Variants in DYTN observed in about 807,000 individuals in gnomAD.
DYTN encodes dystrotelin.
Under a neutral mutation model 69.6 loss-of-function variants are expected in DYTN, and 75 were observed. That is an observed-to-expected ratio of 1.08 (90% CI 0.89 to 1.31). The LOEUF is 1.31. DYTN is among the 50% of genes most tolerant of loss of function. The pLI, the probability that DYTN is intolerant of heterozygous loss-of-function variation, is 0.00. For synonymous variants in DYTN, 252 were observed against 249.1 expected (o/e 1.01, Z -0.11); for missense variants, 726 against 688.4 (o/e 1.05, Z -0.61).
intron 10 of DYTN, 147 bp downstream of exon 10, chr2:206,665,723 G>C: frequency 1.1e-6 from 1 of 870,156 alleles, no homozygotes; most frequent in Admixed American, 3.0e-5. Context: ...ATATAGCCTG[G>C]ATGAGGAAAT....
In DYTN at chr2:206,700,178, A is replaced by G; in HGVS notation, c.522T>C (p.Pro174=). 1 of 1,613,958 alleles carries G rather than the reference A, an allele frequency of 6.2e-7. No individual in the cohort carries two copies. Among genetic ancestry groups the G allele is most frequent in the African/African-American group, 1.3e-5 (1 of 75,050 alleles). ...TFVGESRALC[P]VESATRSCFQ... is the part of the protein sequence containing the mutation. ...AACAGCTGCGGGTGGCACTTTCCAC[A>G]GGGCACAGAGCACGACTCTCTCCCA... Residue 174 remains proline, a synonymous_variant, in exon 6 of 12, where the codon CCT becomes CCC. Transcript: ENST00000452335.
intron 9 of DYTN, among the ~76,000 whole-genome samples, chr2:206,674,196 AC>A (rs1699657880): frequency 6.8e-6 from 1 of 147,550 alleles, no homozygotes; most frequent in Non-Finnish European, 1.5e-5. Flanking sequence ...ATATTTAGAA[AC>A]AAAAATGATC....
chr2:206,694,965 C>A, intron 7 of DYTN, 88 bp from the exon 8 acceptor site: 1 of 911,956 alleles, frequency 1.1e-6, no homozygotes, highest in Non-Finnish European at 1.6e-6. Flanking sequence ...AATGAGCAAC[C>A]CAAAATATAC....
intron 5 of DYTN, among the ~76,000 whole-genome samples, chr2:206,701,424 G>A (rs1292129744): frequency 6.6e-6 from 1 of 152,140 alleles, no homozygotes; most frequent in Non-Finnish European, 1.5e-5. Context: ...AAAAAATGTG[G>A]TATGTAATAT....
rs78319778 is a variant in DYTN at position 206,712,416 on chromosome 2, C to CT, written c.20-1819dup. Among the ~76,000 whole-genome samples the CT allele has an allele frequency of 4.2e-3, 640 of 152,248 alleles. 14 individuals are homozygous for CT. The East Asian group carries it at 0.06, about 14-fold the overall frequency. On this transcript the variant is annotated intron_variant, in intron 1 of 11. Transcript: ENST00000452335. ...AAATCAAACTGCAGAGGATGGAGCA[C>CT]TGAGTGTAAGGTGAGGAGAAAACAT...
At chr2:206,699,627 A>G (rs562326098) in intron 7 of DYTN, 100 bp downstream of exon 7, 491 of 1,372,292 alleles carry the variant, frequency 3.6e-4, no homozygotes, top group Non-Finnish European at 4.3e-4. Context: ...TGAATTTCAG[A>G]TGTGTAAGGA....
intron 9 of DYTN, among the ~76,000 whole-genome samples, chr2:206,678,390 T>C (rs1343387783): frequency 6.6e-6 from 1 of 152,234 alleles, no homozygotes; most frequent in Non-Finnish European, 1.5e-5. Context: ...AATTTTGCAA[T>C]AAGCATGAAG....
Position 206,651,853 on chromosome 2 carries a change from G to A in DYTN, c.1702C>T (p.Leu568Phe). ...AQRVCRAFSALVDQIALPNLK is the reference protein window; with the variant it reads ...AQRVCRAFSAFVDQIALPNLK ...TTGGGCAAGGCAATTTGATCAACAA[G>A]GGCAGAGAAGGCCCTGCACACTCGC... The change falls in exon 12 of 12, where the codon CTT becomes TTT. Residue 568 changes from leucine to phenylalanine, a missense_variant. Transcript: ENST00000452335. 1 of 1,613,552 alleles carries A rather than the reference G, an allele frequency of 6.2e-7. No homozygotes were observed. The highest frequency in any genetic ancestry group is 8.5e-7 in the Non-Finnish European group (1 of 1,179,624).
At chr2:206,659,484 CAAAAAAA>C (rs772861150) in intron 11 of DYTN, among the ~76,000 whole-genome samples, 13,316 of 64,326 alleles carry the variant, frequency 0.21, 732 homozygotes, top group South Asian at 0.31. Flanking sequence ...CAACAATTCT[CAAAAAAA>C]AAAAAAAAAA....
chr2:206,671,927 G>A (rs1699633466), intron 9 of DYTN, among the ~76,000 whole-genome samples: 1 of 152,230 alleles, frequency 6.6e-6, no homozygotes, highest in Admixed American at 6.5e-5. Context: ...GAAAAGCAAT[G>A]CTGTAGTAAA....
rs374365439 is a variant in DYTN at position 206,675,145 on chromosome 2, GTA to G, written c.981-9118_981-9117del. ...TGTGTGTGTGTGTGTGTGTGTGTGT[GTA>G]TATATGTGTATATATATTTAAATAT... On this transcript the variant is annotated intron_variant, in intron 9 of 11. Coordinates refer to ENST00000452335, the MANE Select transcript of DYTN (RefSeq NM_001093730.1). Among the ~76,000 whole-genome samples the G allele has an allele frequency of 2.6e-3, 308 of 120,396 alleles. 1 individual carries two copies. Among genetic ancestry groups the G allele is most frequent in the African/African-American group, 9.2e-3 (272 of 29,698 alleles). The allele number at this position is 120,396 out of a possible 152,430, so 79.0% of individuals were successfully genotyped here. A position where few individuals can be genotyped will look rare whatever the true frequency, so the allele number is the denominator to read the frequency against.
intron 2 of DYTN, among the ~76,000 whole-genome samples, chr2:206,707,725 T>G (rs181684123): frequency 2.6e-5 from 4 of 152,300 alleles, no homozygotes; most frequent in Non-Finnish European, 5.9e-5. Context: ...GTGCATCTGT[T>G]AGTAAAGCAT....
intron 5 of DYTN, among the ~76,000 whole-genome samples, chr2:206,701,584 A>G (rs1023403846): frequency 6.6e-6 from 1 of 152,210 alleles, no homozygotes; most frequent in African/African-American, 2.4e-5. Context: ...GAATCTAAAA[A>G]CATTGAATTC....
At chr2:206,715,349 G>A (rs1700116704) in intron 1 of DYTN, among the ~76,000 whole-genome samples, 1 of 152,136 alleles carries the variant, frequency 6.6e-6, no homozygotes, top group Non-Finnish European at 1.5e-5. Context: ...AGGCGAGGGG[G>A]AGGGGAGATG....
chr2:206,697,131 G>A (rs974890023), intron 7 of DYTN, among the ~76,000 whole-genome samples: 1 of 152,116 alleles, frequency 6.6e-6, no homozygotes, highest in East Asian at 1.9e-4. Context: ...AGCATTAACT[G>A]GATGGCTGTG....
intron 9 of DYTN, among the ~76,000 whole-genome samples, chr2:206,666,834 T>C (rs1297686312): frequency 7.3e-6 from 1 of 137,062 alleles, no homozygotes; most frequent in Non-Finnish European, 1.6e-5. Context: ...GAGACCAGCC[T>C]AGGCAACATG....
At chr2:206,674,717 T>C (rs984364235) in intron 9 of DYTN, among the ~76,000 whole-genome samples, 1 of 151,140 alleles carries the variant, frequency 6.6e-6, no homozygotes, top group Non-Finnish European at 1.5e-5. Flanking sequence ...CAAACAAGTG[T>C]AGATTTTAGT....
At chr2:206,655,441 G>C (rs978836858) in intron 11 of DYTN, among the ~76,000 whole-genome samples, 35 of 151,854 alleles carry the variant, frequency 2.3e-4, no homozygotes, top group African/African-American at 8.0e-4. Flanking sequence ...ATAGGGTCTT[G>C]CTCTGTCACC....
chr2:206,682,778 G>T (rs1482596843), intron 9 of DYTN, among the ~76,000 whole-genome samples: 1 of 151,918 alleles, frequency 6.6e-6, no homozygotes. Flanking sequence ...TCCCAAACTA[G>T]ACTCCTGATT....
Sources: gnomAD v4.1 joint callset for allele counts (sites outside exome capture counted in the v4.1 genomes callset) on GRCh38, gnomAD v4.1.1 for gene constraint, MANE v1.5 for transcripts, NCBI Gene and HGNC (gene_info 2026-07-23, HGNC 2026-07-21) for gene names.